OTOL1: variants seen among roughly 807,000 people sequenced by gnomAD.
OTOL1 encodes the protein otolin-1.
Under a neutral mutation model 25.0 loss-of-function variants are expected in OTOL1, and 31 were observed. The ratio of observed to expected loss-of-function variants is 1.24; its 90% CI spans 0.93 to 1.67. OTOL1 has a LOEUF of 1.67. Among genes scored for constraint, OTOL1 ranks in the 40% most tolerant of loss-of-function variants. OTOL1 has a pLI of 0.00. For synonymous variants in OTOL1, 225 were observed against 210.3 expected (o/e 1.07, Z -0.61); for missense variants, 654 against 587.7 (o/e 1.11, Z -1.17).
chr3:161,503,035 G>T lies in OTOL1; in HGVS notation c.527G>T (p.Gly176Val). 1 of 1,342,302 alleles carries T rather than the reference G, an allele frequency of 7.4e-7. No homozygotes were observed. Among genetic ancestry groups the T allele is most frequent in the Non-Finnish European group, 9.6e-7 (1 of 1,041,398 alleles). The allele number at this position is 1,342,302 out of a possible 1,614,324, so 83.1% of individuals were successfully genotyped here. A position where few individuals can be genotyped will look rare whatever the true frequency, so the allele number is the denominator to read the frequency against. ...PGKPGAQGEP[G>V]PKGDKGNIGL... is the part of the protein sequence containing the mutation. ...TAATTTTCCATTTCAGGTGAACCTG[G>T]CCCTAAGGGAGATAAAGGAAACATT... Residue 176 changes from glycine to valine, a missense_variant, in exon 4 of 4, where the codon GGC (glycine) becomes GTC (valine). Physicochemically the swap from Gly to Val is moderately radical, Grantham distance 109. Transcript: ENST00000327928.
intron 1 of OTOL1, 84 bp downstream of exon 1, chr3:161,497,255 G>C: frequency 6.8e-7 from 1 of 1,467,330 alleles, no homozygotes; most frequent in Admixed American, 2.3e-5. Flanking sequence ...ATTGCCCCAG[G>C]AGTTTCTACG....
chr3:161,502,898 T>A, intron 3 of OTOL1, 128 bp from the exon 4 acceptor site: 1 of 639,544 alleles, frequency 1.6e-6, no homozygotes, highest in Non-Finnish European at 2.3e-6. Context: ...GTGTGCACAG[T>A]TTTTACTGAG....
Position 161,503,201 on chromosome 3 carries a change from G to A in OTOL1, c.693G>A (p.Glu231=), listed in dbSNP as rs1449877901. ...CTGGCGCCAAGGGAGAGAAGGGGGA[G>A]ATGGGGGAGAAGGGGGAGATGGGGG... ...GGPGAKGEKG[E]MGEKGEMGDK... The change falls in exon 4 of 4, where the codon GAG becomes GAA. Residue 231 remains glutamate, a synonymous_variant. Coordinates refer to ENST00000327928, the MANE Select transcript of OTOL1 (RefSeq NM_001080440.1). 7.5e-7 allele frequency: 1 copy of A among 1,335,326 alleles called. No homozygotes were observed. Among genetic ancestry groups the A allele is most frequent in the Non-Finnish European group, 9.8e-7 (1 of 1,021,928 alleles). The allele number at this position is 1,335,326 out of a possible 1,614,324, so 82.7% of individuals were successfully genotyped here. A position where few individuals can be genotyped will look rare whatever the true frequency, so the allele number is the denominator to read the frequency against.
At chr3:161,501,653 T>C (rs770470799) in intron 2 of OTOL1, among the ~76,000 whole-genome samples, 2 of 152,026 alleles carry the variant, frequency 1.3e-5, no homozygotes, top group African/African-American at 4.8e-5. Flanking sequence ...TCAGGTGTTG[T>C]GGCCATATAA....
Position 161,499,234 on chromosome 3 carries a change from G to T in OTOL1, c.428G>T (p.Gly143Val), listed in dbSNP as rs1718913219. Residue 143 changes from glycine to valine, a missense_variant, in exon 2 of 4, where the codon GGC becomes GTC. Physicochemically the swap from Gly to Val is moderately radical, Grantham distance 109. Coordinates refer to ENST00000327928, the MANE Select transcript of OTOL1 (RefSeq NM_001080440.1). ...CCACCAGGAGTTGTTGGGCCCCAAG[G>T]CCCTAGAGGCTACAAAGGAGAGAAA... Reference protein sequence around the residue: ...PGPPGVVGPQGPRGYKGEKGL... With the variant: ...PGPPGVVGPQVPRGYKGEKGL... 4 of 1,610,112 alleles carry T rather than the reference G, an allele frequency of 2.5e-6. No homozygotes were observed. Among genetic ancestry groups the T allele is most frequent in the Non-Finnish European group, 3.4e-6 (4 of 1,178,412 alleles).
intron 2 of OTOL1, 42 bp from the exon 3 acceptor site, chr3:161,502,265 A>C: frequency 6.7e-7 from 1 of 1,485,140 alleles, no homozygotes; most frequent in Non-Finnish European, 9.4e-7. Context: ...ATATATCATA[A>C]ATGATGTAGT....
chr3:161,502,407 G>A, intron 3 of OTOL1, 38 bp downstream of exon 3: 2 of 1,501,572 alleles, frequency 1.3e-6, no homozygotes, highest in East Asian at 2.3e-5. Flanking sequence ...ACAGTCAGGT[G>A]CGCAGTATAG....
rs956486303 is a variant in OTOL1, at chr3:161,502,189, T to G, written c.455-118T>G. The G allele has an allele frequency of 2.1e-5, 19 of 914,616 alleles. No individual in the cohort carries two copies. In the African/African-American group the frequency reaches 3.2e-4, roughly 15 times the overall value. 56.7% of individuals were successfully genotyped at this position (914,616 alleles called of 1,614,324 possible). The stretch of plus-strand genomic sequence containing the variant: ...GGCGTACATTCTTTTTCCACACGAT[T>G]TAACTTTAGCCCATTTTGGTTAAAG... On this transcript the variant is annotated intron_variant, in intron 2 of 3. Coordinates refer to ENST00000327928, the MANE Select transcript of OTOL1 (RefSeq NM_001080440.1).
chr3:161,496,816 G>A lies in OTOL1; in HGVS notation c.9G>A (p.Met3Ile). ...TTCTTCCAGCTTCAAATATGTGGAT[G>A]TTTTCTTGGCTTTGTGCTATTTTAA... MWMFSWLCAILII... is the reference protein window; with the variant it reads MWIFSWLCAILII... Residue 3 changes from methionine (M) to isoleucine (I), a missense_variant, in exon 1 of 4, where the codon ATG (methionine) becomes ATA (isoleucine). Met to Ile is a conservative substitution (Grantham distance 10, BLOSUM62 1). Transcript: ENST00000327928. The A allele has an allele frequency of 6.4e-7, 1 of 1,568,624 alleles. No individual in the cohort carries two copies. Among genetic ancestry groups the A allele is most frequent in the Non-Finnish European group, 8.6e-7 (1 of 1,159,718 alleles).
intron 2 of OTOL1, among the ~76,000 whole-genome samples, chr3:161,501,925 G>C (rs1041553387): frequency 6.6e-6 from 1 of 152,110 alleles, no homozygotes; most frequent in African/African-American, 2.4e-5. Context: ...AAAGTGCAGC[G>C]GTGTGATCTC....
chr3:161,497,250 C>A (rs1230194875), intron 1 of OTOL1, 79 bp downstream of exon 1: 4 of 1,495,386 alleles, frequency 2.7e-6, no homozygotes, highest in Non-Finnish European at 1.8e-6. Context: ...GTGAAATTGC[C>A]CCAGGAGTTT....
intron 2 of OTOL1, 110 bp from the exon 3 acceptor site, chr3:161,502,197 A>G: frequency 1.0e-6 from 1 of 958,632 alleles, no homozygotes; most frequent in Non-Finnish European, 1.6e-6. Flanking sequence ...ATTTAACTTT[A>G]GCCCATTTTG....
chr3:161,499,765 G>A (rs930084463), intron 2 of OTOL1, among the ~76,000 whole-genome samples: 1 of 152,108 alleles, frequency 6.6e-6, no homozygotes, highest in African/African-American at 2.4e-5. Context: ...GTGGTGGGAA[G>A]ACAACTTAAT....
chr3:161,503,151 G>A lies in OTOL1; in HGVS notation c.643G>A (p.Gly215Ser), dbSNP rs1332669804. The A allele has an allele frequency of 1.4e-6, 2 of 1,463,720 alleles. No homozygotes were observed. Among genetic ancestry groups the A allele is most frequent in the East Asian group, 2.5e-5 (1 of 40,128 alleles). 90.7% of individuals were successfully genotyped at this position (1,463,720 alleles called of 1,614,324 possible). The part of the protein sequence containing the change: ...KGEKGDQGAM[G>S]SPGLHGGPGA... ...AGAAAAAGGAGACCAAGGGGCTATG[G>A]GCTCACCTGGCCTGCACGGAGGGCC... Residue 215 changes from glycine (G) to serine (S), a missense_variant, in exon 4 of 4, where the codon GGC (glycine) becomes AGC (serine). By Grantham distance (56) the Gly-to-Ser change is moderately conservative. Transcript: ENST00000327928.
intron 1 of OTOL1, among the ~76,000 whole-genome samples, chr3:161,498,596 G>T (rs1460708081): frequency 1.3e-5 from 2 of 152,062 alleles, no homozygotes; most frequent in African/African-American, 2.4e-5. Context: ...TAAGACCTTC[G>T]TATTTTTCTT....
chr3:161,502,964 G>A, intron 3 of OTOL1, 62 bp from the exon 4 acceptor site: 1 of 1,215,148 alleles, frequency 8.2e-7, no homozygotes, highest in Non-Finnish European at 1.1e-6. Flanking sequence ...GAGCTCTGTG[G>A]TAATAGCATG....
intron 2 of OTOL1, among the ~76,000 whole-genome samples, chr3:161,500,476 A>G (rs761158663): frequency 2.6e-5 from 4 of 152,318 alleles, no homozygotes; most frequent in Non-Finnish European, 5.9e-5. Context: ...CAAAAGTAGA[A>G]ATTCATTCAG....
At position 161,503,233 on chromosome 3, in the gene OTOL1, G is replaced by C; in HGVS notation, c.725G>C (p.Gly242Ala). 1 of 1,457,114 alleles carries C rather than the reference G, an allele frequency of 6.9e-7. No individual in the cohort carries two copies. The highest frequency in any genetic ancestry group is 1.5e-5 in the South Asian group (1 of 67,552). 90.3% of individuals were successfully genotyped at this position (1,457,114 alleles called of 1,614,324 possible). Reference sequence around the variant, plus strand: ...GAGAAGGGGGAGATGGGGGATAAGGGCTGCTGTGGAGATTCTGGGGAGAGG... The same window carrying C: ...GAGAAGGGGGAGATGGGGGATAAGGCCTGCTGTGGAGATTCTGGGGAGAGG... ...MGEKGEMGDK[G>A]CCGDSGERGG... The change falls in exon 4 of 4, where the codon GGC (glycine) becomes GCC (alanine). Residue 242 changes from glycine (G) to alanine (A), a missense_variant. Coordinates refer to ENST00000327928, the MANE Select transcript of OTOL1 (RefSeq NM_001080440.1).
At chr3:161,500,423 T>C (rs575804758) in intron 2 of OTOL1, among the ~76,000 whole-genome samples, 8 of 152,288 alleles carry the variant, frequency 5.3e-5, no homozygotes, top group Non-Finnish European at 1.2e-4. Context: ...AATAGGGAAG[T>C]GTAATAAAAT....
Sources: gnomAD v4.1 joint callset for allele counts (sites outside exome capture counted in the v4.1 genomes callset) on GRCh38, gnomAD v4.1.1 for gene constraint, MANE v1.5 for transcripts, NCBI Gene and HGNC (gene_info 2026-07-23, HGNC 2026-07-21) for gene names.